The following ZNF221 variants were observed in gnomAD, a reference collection of about 807,000 sequenced individuals.
The protein encoded by ZNF221 is zinc finger protein 221.
Under a neutral mutation model 12.6 loss-of-function variants are expected in ZNF221, and 10 were observed. That is an observed-to-expected ratio of 0.79 (90% CI 0.49 to 1.34). The LOEUF is 1.34. Ranked by LOEUF, ZNF221 falls within the 40% of genes most tolerant of loss-of-function variation. The pLI is 0.00. For missense variants in ZNF221, 661 were observed against 721.4 expected (o/e 0.92, Z 0.96); for synonymous variants, 232 against 244.0 (o/e 0.95, Z 0.46).
intron 2 of ZNF221, 93 bp from the exon 3 acceptor site, chr19:43,964,857 T>C (rs937265432): frequency 2.5e-5 from 38 of 1,538,188 alleles, no homozygotes; most frequent in Non-Finnish European, 3.2e-5. Flanking sequence ...CTAGGACAAC[T>C]TACCACACCT....
chr19:43,973,400 G>A, the ZNF221 span, among the ~76,000 whole-genome samples: 4 of 152,092 alleles, frequency 2.6e-5, no homozygotes, highest in Non-Finnish European at 5.9e-5. Context: ...TGGAAGTTCT[G>A]GCCAGTCAAG....
chr19:43,975,648 A>G, the ZNF221 span, among the ~76,000 whole-genome samples: 3 of 152,222 alleles, frequency 2.0e-5, no homozygotes, highest in Non-Finnish European at 4.4e-5. Context: ...ACATTTACCT[A>G]TGTAACAAAC....
chr19:43,964,878 C>T, intron 2 of ZNF221, 72 bp from the exon 3 acceptor site: 1 of 1,599,766 alleles, frequency 6.3e-7, no homozygotes, highest in Admixed American at 1.7e-5. Context: ...GTCCCCTTTG[C>T]CTACTTAGTG....
chr19:43,954,697 T>C (rs1974727778), intron 1 of ZNF221, among the ~76,000 whole-genome samples: 1 of 152,052 alleles, frequency 6.6e-6, no homozygotes, highest in Admixed American at 6.6e-5. Flanking sequence ...TTAGGAATCA[T>C]CCCTGCTTCC....
chr19:43,962,890 C>A (rs1385528290), intron 2 of ZNF221, 83 bp downstream of exon 2: 20 of 1,307,684 alleles, frequency 1.5e-5, no homozygotes, highest in East Asian at 2.5e-5. Context: ...TGGGAAGACT[C>A]AAGGAGAACA....
At chr19:43,961,986 A>C (rs755427295) in intron 1 of ZNF221, 1 of 152,188 alleles carries the variant, frequency 6.6e-6, no homozygotes, top group Non-Finnish European at 1.5e-5. Context: ...CTTTTTAATT[A>C]AATTTTGAAA....
intron 1 of ZNF221, among the ~76,000 whole-genome samples, chr19:43,951,849 CTTTTTTTTTTTTTTTTTTTTTTTTT>C (rs758081943): frequency 9.6e-5 from 6 of 62,552 alleles, no homozygotes; most frequent in Admixed American, 4.6e-4. Flanking sequence ...TCTTTGACCT[CTTTTTTTTTTTTTTTTTTTTTTTTT>C]TTTTTTTTTT....
intron 1 of ZNF221, among the ~76,000 whole-genome samples, chr19:43,956,495 C>T (rs964547974): frequency 6.7e-6 from 1 of 149,466 alleles, no homozygotes; most frequent in Non-Finnish European, 1.5e-5. Context: ...CCAACACTCC[C>T]CCCAGCCATT....
chr19:43,966,497 A>G lies in ZNF221; in HGVS notation c.995A>G (p.His332Arg), dbSNP rs1974962523. The change falls in exon 5 of 5, where the codon CAC (histidine) becomes CGC (arginine). Residue 332 changes from histidine (H) to arginine (R), a missense_variant. Coordinates refer to ENST00000587682, the MANE Select transcript of ZNF221 (RefSeq NM_001297588.2). ...RSRLNRHSMV[H>R]TGEKPFRCDT... ...AGACTTAATAGGCATTCCATGGTTC[A>G]CACAGGAGAAAAACCATTCAGATGT... 4 of 1,614,084 alleles carry G rather than the reference A, an allele frequency of 2.5e-6. No individual in the cohort carries two copies. Among genetic ancestry groups the G allele is most frequent in the Non-Finnish European group, 3.4e-6 (4 of 1,180,032 alleles).
downstream of ZNF221, among the ~76,000 whole-genome samples, chr19:43,969,596 G>T (rs1568480955): frequency 6.6e-6 from 1 of 152,068 alleles, no homozygotes; most frequent in Non-Finnish European, 1.5e-5. Context: ...TGATCCGCCT[G>T]CCTCAGCCTT....
chr19:43,952,092 C>A (rs981570313), intron 1 of ZNF221, among the ~76,000 whole-genome samples: 25 of 151,524 alleles, frequency 1.6e-4, no homozygotes, highest in Non-Finnish European at 2.9e-4. Context: ...CCAGGATGGT[C>A]TCGATCTCCT....
chr19:43,954,540 G>A (rs1974724740), intron 1 of ZNF221, among the ~76,000 whole-genome samples: 1 of 152,172 alleles, frequency 6.6e-6, no homozygotes, highest in Non-Finnish European at 1.5e-5. Flanking sequence ...CTTAGGTGCA[G>A]AATAGTGGAC....
chr19:43,967,367 T>A lies in ZNF221; in HGVS notation c.*11T>A. The A allele has an allele frequency of 1.9e-6, 3 of 1,598,500 alleles. No homozygotes were observed. Among genetic ancestry groups the A allele is most frequent in the Non-Finnish European group, 2.6e-6 (3 of 1,171,026 alleles). On this transcript the variant is annotated 3_prime_UTR_variant, in exon 5 of 5. Coordinates refer to ENST00000587682, the MANE Select transcript of ZNF221 (RefSeq NM_001297588.2). Reference sequence around the variant, plus strand: ...AGAAAAGCCATATAAATGTGAGAAGTGTGGGAAGGGCTTTGGCTGGGCCTC... The same window carrying A: ...AGAAAAGCCATATAAATGTGAGAAGAGTGGGAAGGGCTTTGGCTGGGCCTC...
Position 43,967,480 on chromosome 19 carries a change from C to A in ZNF221, c.*124C>A. 1 of 539,368 alleles carries A rather than the reference C, an allele frequency of 1.9e-6. No homozygotes were observed. The highest frequency in any genetic ancestry group is 3.2e-6 in the Non-Finnish European group (1 of 316,356). 33.4% of individuals were successfully genotyped at this position (539,368 alleles called of 1,614,324 possible). A position where few individuals can be genotyped will look rare whatever the true frequency, so the allele number is the denominator to read the frequency against. On this transcript the variant is annotated 3_prime_UTR_variant, in exon 5 of 5. Coordinates refer to ENST00000587682, the MANE Select transcript of ZNF221 (RefSeq NM_001297588.2). The stretch of plus-strand genomic sequence containing the variant: ...GAAGAGCTTTGTACATAGATCATAT[C>A]TTTTTTTTTTTTTTTTGAGACAGAG...
At chr19:43,977,933 G>C in the ZNF221 span, among the ~76,000 whole-genome samples, 1 of 152,280 alleles carries the variant, frequency 6.6e-6, no homozygotes, top group East Asian at 1.9e-4. Context: ...ACAGTGACAA[G>C]ATACAAAACA....
At chr19:43,969,166 G>C (rs936407712), downstream of ZNF221, among the ~76,000 whole-genome samples, 1 of 152,142 alleles carries the variant, frequency 6.6e-6, no homozygotes, top group Non-Finnish European at 1.5e-5. Context: ...GCTTCAGCCT[G>C]AAATAGGAGG....
chr19:43,965,113 C>T lies in ZNF221; in HGVS notation c.208+37C>T, dbSNP rs187667697. 6.8e-6 allele frequency: 11 copies of T among 1,608,280 alleles called. No individual in the cohort carries two copies. In the African/African-American group the frequency reaches 9.4e-5, roughly 14 times the overall value. On this transcript the variant is annotated intron_variant, in intron 3 of 4. Transcript: ENST00000587682. Reference sequence around the variant, plus strand: ...CACCCTCTGTAACAGAATGTTAGGCCCCAGGAATGGCTTTGTATTCCAAGT... The same window carrying T: ...CACCCTCTGTAACAGAATGTTAGGCTCCAGGAATGGCTTTGTATTCCAAGT...
rs1326057056 is a variant in ZNF221 at position 43,962,713 on chromosome 19, G to A, written c.-2-12G>A. 6.2e-7 allele frequency: 1 copy of A among 1,613,648 alleles called. No homozygotes were observed. Among genetic ancestry groups the A allele is most frequent in the Non-Finnish European group, 8.5e-7 (1 of 1,179,684 alleles). On this transcript the variant is annotated splice_polypyrimidine_tract_variant and intron_variant, in intron 1 of 4. Transcript: ENST00000587682. Reference sequence around the variant, plus strand: ...TCCTGTCTGTTTTTCTGCCTTTCCTGGCACTTTCCAGGCATGATTTCACCT... The same window carrying A: ...TCCTGTCTGTTTTTCTGCCTTTCCTAGCACTTTCCAGGCATGATTTCACCT...
intron 1 of ZNF221, among the ~76,000 whole-genome samples, chr19:43,957,552 G>C (rs907014895): frequency 1.2e-4 from 19 of 152,118 alleles, no homozygotes; most frequent in African/African-American, 4.6e-4. Flanking sequence ...ATGATCTAAA[G>C]ATTTTCACCC....
Sources: gnomAD v4.1 joint callset for allele counts (sites outside exome capture counted in the v4.1 genomes callset) on GRCh38, gnomAD v4.1.1 for gene constraint, MANE v1.5 for transcripts, NCBI Gene and HGNC (gene_info 2026-07-23, HGNC 2026-07-21) for gene names.